The following NCALD variants were observed in gnomAD, a reference collection of about 807,000 sequenced individuals.
The protein encoded by NCALD is neurocalcin-delta.
A neutral mutation model predicts 18.6 loss-of-function variants in NCALD; 10 were observed. The ratio of observed to expected loss-of-function variants is 0.54; its 90% CI spans 0.33 to 0.91. The LOEUF (loss-of-function observed/expected upper bound fraction) is 0.91. Ranked by LOEUF, NCALD falls within the 40% of genes least tolerant of loss-of-function variation. The probability of loss-of-function intolerance (pLI) is 0.03; values close to 1 mark genes in which losing one functional copy is unlikely to be tolerated. For synonymous variants in NCALD, 88 were observed against 87.4 expected (o/e 1.01, Z -0.04); for missense variants, 184 against 247.6 (o/e 0.74, Z 1.72).
At chr8:101,908,344 G>A (rs558986472) in intron 3 of NCALD, among the ~76,000 whole-genome samples, 4 of 152,206 alleles carry the variant, frequency 2.6e-5, no homozygotes, top group African/African-American at 4.8e-5. Context: ...TGGGGAGGGT[G>A]TTGTTTGGTT....
intron 1 of NCALD, among the ~76,000 whole-genome samples, chr8:101,727,805 T>C (rs1213601283): frequency 6.6e-6 from 1 of 152,202 alleles, no homozygotes; most frequent in East Asian, 1.9e-4. Flanking sequence ...TACCTCTCAG[T>C]TCTCTCTCTG....
intron 4 of NCALD, among the ~76,000 whole-genome samples, chr8:101,831,032 T>C (rs779035118): frequency 1.1e-4 from 17 of 152,168 alleles, no homozygotes; most frequent in Non-Finnish European, 2.5e-4. Flanking sequence ...TCACCTGACC[T>C]GGCTTGAGTG....
chr8:101,703,139 G>A (rs1030354936), intron 2 of NCALD, among the ~76,000 whole-genome samples: 4 of 143,836 alleles, frequency 2.8e-5, no homozygotes, highest in African/African-American at 1.0e-4. Flanking sequence ...TCTGGGCTGC[G>A]TTCTCTGTTC....
intron 4 of NCALD, among the ~76,000 whole-genome samples, chr8:101,818,097 A>G (rs1411545648): frequency 6.6e-6 from 1 of 152,196 alleles, no homozygotes; most frequent in Non-Finnish European, 1.5e-5. Context: ...GCTCAGAAAT[A>G]TATTCTTTAA....
At chr8:102,015,334 T>C (rs181872028) in intron 2 of NCALD, among the ~76,000 whole-genome samples, 11 of 152,338 alleles carry the variant, frequency 7.2e-5, no homozygotes, top group Admixed American at 5.9e-4. Flanking sequence ...CCTGCCATTG[T>C]AGCCATGTAT....
intron 3 of NCALD, among the ~76,000 whole-genome samples, chr8:101,905,387 T>G (rs973664518): frequency 7.9e-5 from 12 of 151,962 alleles, no homozygotes; most frequent in African/African-American, 2.7e-4. Flanking sequence ...TCTTCCCTTC[T>G]CCAGCCTCCC....
intron 4 of NCALD, among the ~76,000 whole-genome samples, chr8:101,878,048 C>T (rs1816302889): frequency 6.6e-6 from 1 of 152,208 alleles, no homozygotes; most frequent in Non-Finnish European, 1.5e-5. Flanking sequence ...TGGGCACATG[C>T]TGTATGTCCC....
At position 102,106,272 on chromosome 8, in the gene NCALD, C is replaced by A. The variant is rs535421218; in HGVS notation, c.-210+17965G>T. Among the ~76,000 whole-genome samples the A allele has an allele frequency of 4.0e-5, 6 of 151,878 alleles. No homozygotes were observed. In the East Asian group the frequency reaches 9.7e-4, roughly 25 times the overall value. On this transcript the variant is annotated intron_variant, in intron 1 of 6. Coordinates refer to the NCALD transcript ENST00000311028. ...ATTTTTAGTAGGGGGGGTGGTTTCACCATGTTGGCCAGGCTGGTCTCAAAC... is the reference window on the plus strand; with the variant it reads ...ATTTTTAGTAGGGGGGGTGGTTTCAACATGTTGGCCAGGCTGGTCTCAAAC...
intron 2 of NCALD, among the ~76,000 whole-genome samples, chr8:101,945,489 C>T (rs1819132542): frequency 6.6e-6 from 1 of 152,170 alleles, no homozygotes; most frequent in South Asian, 2.1e-4. Flanking sequence ...TCATGTAGAA[C>T]TTCATCTCTA....
At chr8:101,900,192 G>C (rs763005041) in intron 3 of NCALD, among the ~76,000 whole-genome samples, 1 of 151,816 alleles carries the variant, frequency 6.6e-6, no homozygotes, top group Non-Finnish European at 1.5e-5. Flanking sequence ...GATGTCTGCA[G>C]GTCTGTAGTG....
chr8:102,065,010 C>CAAA (rs34548051), intron 1 of NCALD, among the ~76,000 whole-genome samples: 14,062 of 87,468 alleles, frequency 0.16, 1,805 homozygotes, highest in African/African-American at 0.3. Context: ...CTCACTTTGG[C>CAAA]AAAAAAAAAA....
intron 1 of NCALD, among the ~76,000 whole-genome samples, chr8:102,092,483 T>A (rs942651471): frequency 6.6e-6 from 1 of 152,182 alleles, no homozygotes; most frequent in South Asian, 2.1e-4. Context: ...CCCTTTCTGG[T>A]AACACCCCCA....
intron 1 of NCALD, among the ~76,000 whole-genome samples, chr8:102,070,610 A>G (rs1824151341): frequency 1.3e-5 from 2 of 152,380 alleles, no homozygotes; most frequent in South Asian, 4.1e-4. Context: ...CTTGCAAAGA[A>G]ACAATGGAAT....
chr8:102,121,468 G>A (rs1321041356), intron 1 of NCALD, among the ~76,000 whole-genome samples: 1 of 152,140 alleles, frequency 6.6e-6, no homozygotes, highest in African/African-American at 2.4e-5. Context: ...GAGCTTTGGT[G>A]ACTGCAGATT....
chr8:101,872,287 T>C (rs957548080), intron 4 of NCALD: 206 of 1,360,614 alleles, frequency 1.5e-4, no homozygotes, highest in Non-Finnish European at 2.1e-4. Context: ...AAATTTATTC[T>C]TCAGTTTAAT....
intron 1 of NCALD, among the ~76,000 whole-genome samples, chr8:102,108,957 T>C (rs961827618): frequency 4.6e-5 from 7 of 152,194 alleles, no homozygotes; most frequent in African/African-American, 1.4e-4. Context: ...ATCATTGAGA[T>C]TGGCTCAGCC....
intron 1 of NCALD, among the ~76,000 whole-genome samples, chr8:102,085,416 G>A (rs1265912067): frequency 1.3e-5 from 2 of 152,146 alleles, no homozygotes; most frequent in African/African-American, 2.4e-5. Context: ...TGGAAGAGAG[G>A]GGATCTTTTT....
At chr8:101,875,952 T>C (rs1480351569) in intron 4 of NCALD, among the ~76,000 whole-genome samples, 3 of 152,204 alleles carry the variant, frequency 2.0e-5, no homozygotes, top group Non-Finnish European at 2.9e-5. Flanking sequence ...TCTATTGTTT[T>C]TATGAGAGAA....
chr8:101,790,431 GAAACCAAATTCC>G (rs1009878604), intron 1 of NCALD, among the ~76,000 whole-genome samples: 1 of 152,158 alleles, frequency 6.6e-6, no homozygotes, highest in Admixed American at 6.6e-5. Flanking sequence ...AAACAAGATA[GAAACCAAATTCC>G]AAACTATTTT....
Sources: allele counts gnomAD v4.1 joint callset (sites outside exome capture counted in the v4.1 genomes callset), GRCh38; gene constraint gnomAD v4.1.1; transcripts MANE v1.5; gene names NCBI Gene and HGNC (gene_info 2026-07-23, HGNC 2026-07-21).